CCDC120: variants seen among roughly 807,000 people sequenced by gnomAD.
The protein encoded by CCDC120 is coiled-coil domain containing 120.
A neutral mutation model predicts 37.6 loss-of-function variants in CCDC120; 16 were observed. The ratio of observed to expected loss-of-function variants is 0.43; its 90% CI spans 0.29 to 0.65. The LOEUF is 0.65. CCDC120 is among the 30% of genes least tolerant of loss of function. The probability of loss-of-function intolerance (pLI) is 0.18; values close to 1 mark genes in which losing one functional copy is unlikely to be tolerated. For missense variants in CCDC120, 650 were observed against 657.4 expected (o/e 0.99, Z 0.12); for synonymous variants, 309 against 275.4 (o/e 1.12, Z -1.21).
In CCDC120 at chrX:49,068,058, G is replaced by A. The variant is rs782251508; in HGVS notation, c.1944G>A (p.Ser648=). 8.6e-6 allele frequency: 10 copies of A among 1,165,619 alleles called. No individual in the cohort carries two copies. In the Admixed American group the frequency reaches 1.0e-4, roughly 12 times the overall value. Residue 648 remains serine, a synonymous_variant, in exon 10 of 11, where the codon TCG becomes TCA. Coordinates refer to ENST00000603986, the MANE Select transcript of CCDC120 (RefSeq NM_001163321.4). ...GAPSQAPLPH[S]RSFTAPPVSG... ...CCAGCCAGGCGCCACTCCCACACTC[G>A]AGGAGTTTCACGGCGCCCCCTGTCT...
At position 49,069,602 on chromosome X, in the gene CCDC120, T is replaced by C. The variant is rs1322336019; in HGVS notation, c.*944T>C. The stretch of plus-strand genomic sequence containing the variant: ...GGCTGGTCTTGAACTCTTGACCTCG[T>C]GATCTGCCCGCCTTGGCCTCCCAAA... On this transcript the variant is annotated 3_prime_UTR_variant, in exon 11 of 11. Transcript: ENST00000603986. 8.9e-6 allele frequency: 1 copy of C among 112,197 alleles called. No individual in the cohort carries two copies. The highest frequency in any genetic ancestry group is 1.9e-5 in the Non-Finnish European group (1 of 53,235). 9.2% of individuals were successfully genotyped at this position (112,197 alleles called of 1,213,427 possible).
rs1424572047 is a variant in CCDC120 at position 49,067,243 on chromosome X, G to A, written c.1129G>A (p.Asp377Asn). 5 of 1,209,544 alleles carry A rather than the reference G, an allele frequency of 4.1e-6. No homozygotes were observed. Among genetic ancestry groups the A allele is most frequent in the Non-Finnish European group, 5.6e-6 (5 of 895,092 alleles). The change falls in exon 10 of 11, where the codon GAC becomes AAC. Residue 377 changes from aspartate (D) to asparagine (N), a missense_variant. By Grantham distance (23) the Asp-to-Asn change is conservative. Transcript: ENST00000603986. ...CTCCCAGATGGGCTTCCCCCGGGCG[G>A]ACCCTGCCTCCGATCGCGCCTCCCT... is the stretch of plus-strand genomic sequence containing the variant. ...QDSQMGFPRA[D>N]PASDRASLFV... is the part of the protein sequence containing the mutation.
intron 1 of CCDC120, chrX:49,059,421 A>T (rs2064857795): frequency 1.5e-6 from 1 of 684,505 alleles, no homozygotes; most frequent in Non-Finnish European, 1.7e-6. Flanking sequence ...CCCCGCCAGG[A>T]GTAGCCTCTG....
chrX:49,067,047 C>T (rs782456444), intron 9 of CCDC120, 129 bp from the exon 10 acceptor site: 9 of 566,602 alleles, frequency 1.6e-5, no homozygotes, highest in African/African-American at 7.0e-5. Context: ...ATACACACAG[C>T]TTCCAACCTT....
chrX:49,065,437 T>TG lies in CCDC120; in HGVS notation c.788-16dup, dbSNP rs782519225. 6.0e-6 allele frequency: 7 copies of TG among 1,171,450 alleles called. No individual in the cohort carries two copies. Among genetic ancestry groups the TG allele is most frequent in the Non-Finnish European group, 8.0e-6 (7 of 877,575 alleles). On this transcript the variant is annotated splice_polypyrimidine_tract_variant and intron_variant, in intron 7 of 10. Transcript: ENST00000603986. The stretch of plus-strand genomic sequence containing the variant: ...CCCCCTCATTGAATTCTATCCCACT[T>TG]GCTCTCTTCCACTCAGAGGAGCCCC...
In CCDC120 at chrX:49,064,498, A is replaced by G. The variant is rs1187044912; in HGVS notation, c.558A>G (p.Ala186=). The change falls in exon 6 of 11, where the codon GCA becomes GCG. Residue 186 remains alanine (A), a synonymous_variant. Coordinates refer to ENST00000603986, the MANE Select transcript of CCDC120 (RefSeq NM_001163321.4). The part of the protein sequence containing the change: ...EQRRRRRQVQ[A]DALRRLHELE... Reference sequence around the variant, plus strand: ...GCCGGCGCCGGCGCCAGGTCCAGGCAGATGCACTGAGGAGGCTGCATGAGC... The same window carrying G: ...GCCGGCGCCGGCGCCAGGTCCAGGCGGATGCACTGAGGAGGCTGCATGAGC... 1 of 1,182,879 alleles carries G rather than the reference A, an allele frequency of 8.5e-7. No individual in the cohort carries two copies. Among genetic ancestry groups the G allele is most frequent in the Non-Finnish European group, 1.1e-6 (1 of 881,659 alleles).
At chrX:49,055,347 A>C (rs2064823726), upstream of CCDC120, among the ~76,000 whole-genome samples, 1 of 112,093 alleles carries the variant, frequency 8.9e-6, no homozygotes, top group Non-Finnish European at 1.9e-5. Context: ...GTATGTATGA[A>C]TCTTCTAGGC....
At chrX:49,065,390 G>A in intron 7 of CCDC120, 64 bp from the exon 8 acceptor site, 1 of 1,089,257 alleles carries the variant, frequency 9.2e-7, no homozygotes. Flanking sequence ...TTGCCCCCCA[G>A]CCTGTCCTGC....
Position 49,067,783 on chromosome X carries a change from G to C in CCDC120, c.1669G>C (p.Ala557Pro), listed in dbSNP as rs2064976671. ...TAAGCCCTGTGGCCTGCCCCCAGAG[G>C]CTGCCGAAGGCCCTGAGGTGCATCC... Reference protein sequence around the residue: ...RTKPCGLPPEAAEGPEVHPNP... With the variant: ...RTKPCGLPPEPAEGPEVHPNP... The change falls in exon 10 of 11, where the codon GCT becomes CCT. Residue 557 changes from alanine (A) to proline (P), a missense_variant. This residue lies in a region of CCDC120 where 576 missense variants were observed against 565.3 expected (regional missense o/e 1.02). Transcript: ENST00000603986. 1 of 1,193,869 alleles carries C rather than the reference G, an allele frequency of 8.4e-7. No homozygotes were observed. The highest frequency in any genetic ancestry group is 3.0e-5 in the East Asian group (1 of 32,873).
chrX:49,065,406 C>G, intron 7 of CCDC120, 48 bp from the exon 8 acceptor site: 2 of 1,124,313 alleles, frequency 1.8e-6, no homozygotes, highest in Admixed American at 2.9e-5. Flanking sequence ...CCTGCCCCCT[C>G]TGGGCCCCCC....
Position 49,067,550 on chromosome X carries a change from TCTTGGACTATTC to T in CCDC120, c.1444_1455del (p.Tyr482_Asp485del). The T allele has an allele frequency of 4.3e-6, 5 of 1,169,405 alleles. No homozygotes were observed. Among genetic ancestry groups the T allele is most frequent in the Non-Finnish European group, 5.7e-6 (5 of 872,288 alleles). On this transcript the variant is annotated inframe_deletion, in exon 10 of 11. Transcript: ENST00000603986. ...CTCCCACCTGTGTGTGGAGACTTCC[TCTTGGACTATTC>T]CTTGGACCGGGGCCTGCCCCGCAGT...
rs974624326 is a variant in CCDC120 at position 49,067,591 on chromosome X, G to A, written c.1477G>A (p.Gly493Ser). ...GGACCGGGGCCTGCCCCGCAGTGGCGGTGGAACAGGCTGGGGGGAGCTGCC... is the reference window on the plus strand; with the variant it reads ...GGACCGGGGCCTGCCCCGCAGTGGCAGTGGAACAGGCTGGGGGGAGCTGCC... ...SLDRGLPRSG[G>S]GTGWGELPPA... Residue 493 changes from glycine (G) to serine (S), a missense_variant, in exon 10 of 11, where the codon GGT (glycine) becomes AGT (serine). This residue lies in a region of CCDC120 where 576 missense variants were observed against 565.3 expected (regional missense o/e 1.02). Coordinates refer to ENST00000603986, the MANE Select transcript of CCDC120 (RefSeq NM_001163321.4). 2.5e-6 allele frequency: 3 copies of A among 1,178,579 alleles called. No individual in the cohort carries two copies. Among genetic ancestry groups the A allele is most frequent in the South Asian group, 1.9e-5 (1 of 52,360 alleles).
intron 10 of CCDC120, 64 bp from the exon 11 acceptor site, chrX:49,068,480 T>A: frequency 9.5e-7 from 1 of 1,051,154 alleles, no homozygotes; most frequent in Non-Finnish European, 1.2e-6. Flanking sequence ...CTGTGTCTTG[T>A]CTGTCTTTTC....
upstream of CCDC120, among the ~76,000 whole-genome samples, chrX:49,055,331 C>T (rs1412259654): frequency 8.9e-6 from 1 of 111,853 alleles, no homozygotes; most frequent in Non-Finnish European, 1.9e-5. Context: ...GATGGGGGAC[C>T]CAGGGGTATG....
At chrX:49,062,996 C>G (rs1557079942) in intron 4 of CCDC120, among the ~76,000 whole-genome samples, 7 of 111,788 alleles carry the variant, frequency 6.3e-5, no homozygotes, top group Admixed American at 5.7e-4. Context: ...AGATCGAGAC[C>G]ATCCTGGCTA....
Position 49,065,455 on chromosome X carries a change from G to A in CCDC120, c.789G>A (p.Glu263=). 1 of 1,188,700 alleles carries A rather than the reference G, an allele frequency of 8.4e-7. No homozygotes were observed. The highest frequency in any genetic ancestry group is 2.4e-4 in the Middle Eastern group (1 of 4,250). The change falls in exon 8 of 11, where the codon GAG becomes GAA. Residue 263 remains glutamate, a splice_region_variant and synonymous_variant. Coordinates refer to ENST00000603986, the MANE Select transcript of CCDC120 (RefSeq NM_001163321.4). The stretch of plus-strand genomic sequence containing the variant: ...TCCCACTTGCTCTCTTCCACTCAGA[G>A]GAGCCCCATGGCTGCTTCTCTCTGG... ...LSESGASHDN[E]EPHGCFSLAE...
At chrX:49,064,024 C>T in intron 5 of CCDC120, 23 bp downstream of exon 5, 5 of 1,175,819 alleles carry the variant, frequency 4.3e-6, no homozygotes, top group Non-Finnish European at 5.7e-6. Flanking sequence ...GTGTGGAGAG[C>T]AAGAGGGTGG....
Position 49,068,025 on chromosome X carries a change from C to T in CCDC120, c.1911C>T (p.Tyr637=), listed in dbSNP as rs1334746126. ...GCTATGAGGTGGGCCAGGCGCTGTACGGGGCCCCCAGCCAGGCGCCACTCC... is the reference window on the plus strand; with the variant it reads ...GCTATGAGGTGGGCCAGGCGCTGTATGGGGCCCCCAGCCAGGCGCCACTCC... ...ARCYEVGQAL[Y]GAPSQAPLPH... Residue 637 remains tyrosine, a synonymous_variant, in exon 10 of 11, where the codon TAC becomes TAT. Coordinates refer to ENST00000603986, the MANE Select transcript of CCDC120 (RefSeq NM_001163321.4). The T allele has an allele frequency of 2.3e-5, 25 of 1,093,001 alleles. No individual in the cohort carries two copies. The highest frequency in any genetic ancestry group is 3.0e-5 in the Non-Finnish European group (25 of 829,553). 90.1% of individuals were successfully genotyped at this position (1,093,001 alleles called of 1,213,427 possible).
In CCDC120 at chrX:49,062,528, A is replaced by G. The variant is rs2064897943; in HGVS notation, c.215A>G (p.Asp72Gly). 8.3e-7 allele frequency: 1 copy of G among 1,211,169 alleles called. No individual in the cohort carries two copies. ...VKSERLRGLL[D>G]RQRTLQEALS... ...TCAGAGCGTCTGCGGGGGCTGCTTG[A>G]CCGGCAGCGGACCCTGCAGGAGGCC... is the stretch of plus-strand genomic sequence containing the variant. The change falls in exon 4 of 11, where the codon GAC (aspartate) becomes GGC (glycine). Residue 72 changes from aspartate (D) to glycine (G), a missense_variant. Around this residue, in one of 3 missense-constraint regions of CCDC120, gnomAD observed 64 missense variants for 65.2 expected, o/e 0.98. Transcript: ENST00000603986.
Sources: allele counts gnomAD v4.1 joint callset (sites outside exome capture counted in the v4.1 genomes callset), GRCh38; gene constraint gnomAD v4.1.1; regional missense constraint gnomAD v4.1.1; transcripts MANE v1.5; gene names NCBI Gene and HGNC (gene_info 2026-07-23, HGNC 2026-07-21).